Variants in BNC2 observed in about 807,000 individuals in gnomAD.
The protein encoded by BNC2 is zinc finger protein basonuclin-2.
In BNC2, 20 loss-of-function variants were observed where a neutral mutation model predicts 76.3. The ratio of observed to expected loss-of-function variants is 0.26; its 90% CI spans 0.18 to 0.38. The LOEUF is 0.38. Among genes scored for constraint, BNC2 ranks in the 10% least tolerant of loss-of-function variants. BNC2 has a pLI of 1.00. For missense variants in BNC2, 1,382 were observed against 1,399.8 expected (o/e 0.99, Z 0.20); for synonymous variants, 582 against 514.8 (o/e 1.13, Z -1.77).
At chr9:16,639,104 T>G (rs138605887) in intron 3 of BNC2, among the ~76,000 whole-genome samples, 1 of 152,194 alleles carries the variant, frequency 6.6e-6, no homozygotes, top group Non-Finnish European at 1.5e-5. Flanking sequence ...TTTTCCTTAA[T>G]GTGAACTTAA....
At chr9:16,809,364 GAAA>G (rs938575551) in intron 1 of BNC2, among the ~76,000 whole-genome samples, 1 of 149,542 alleles carries the variant, frequency 6.7e-6, no homozygotes, top group African/African-American at 2.5e-5. Flanking sequence ...TTTTTTTATG[GAAA>G]AAAAAATGCC....
intron 1 of BNC2, among the ~76,000 whole-genome samples, chr9:16,805,652 A>T (rs957280367): frequency 6.6e-6 from 1 of 152,088 alleles, no homozygotes; most frequent in Non-Finnish European, 1.5e-5. Context: ...AACTACATGG[A>T]AACTGCATGA....
chr9:16,430,818 C>A (rs1820894495), intron 6 of BNC2, among the ~76,000 whole-genome samples: 1 of 152,222 alleles, frequency 6.6e-6, no homozygotes, highest in Non-Finnish European at 1.5e-5. Flanking sequence ...CATAGGAATA[C>A]AGAACTTTCC....
intron 1 of BNC2, among the ~76,000 whole-genome samples, chr9:16,851,945 A>G (rs1280148883): frequency 6.6e-6 from 1 of 152,126 alleles, no homozygotes; most frequent in Admixed American, 6.5e-5. Flanking sequence ...TGAATATTAA[A>G]TAAAACATAT....
At chr9:16,468,215 T>A (rs1380656466) in intron 5 of BNC2, among the ~76,000 whole-genome samples, 1 of 151,538 alleles carries the variant, frequency 6.6e-6, no homozygotes, top group Non-Finnish European at 1.5e-5. Context: ...CCTACACTCA[T>A]TTCTTGAGCA....
rs535738822 is a variant in BNC2, at chr9:16,453,577, CACATTCTGACG to C, written c.670-16064_670-16054del. Among the ~76,000 whole-genome samples, 375 of 152,266 alleles carry C rather than the reference CACATTCTGACG, an allele frequency of 2.5e-3. 1 individual carries two copies. The highest frequency in any genetic ancestry group is 8.4e-3 in the African/African-American group (349 of 41,558). On this transcript the variant is annotated intron_variant, in intron 5 of 6. Coordinates refer to ENST00000380672, the MANE Select transcript of BNC2 (RefSeq NM_017637.6). ...TTCCATTCACTCCTTTCACCCCACT[CACATTCTGACG>C]ACATTCTGGTGTCAAGGTGCTTTTT...
intron 1 of BNC2, among the ~76,000 whole-genome samples, chr9:16,751,263 G>T (rs1357134405): frequency 9.1e-6 from 1 of 109,446 alleles, no homozygotes; most frequent in Non-Finnish European, 2.5e-5. Flanking sequence ...ATTGAAAATG[G>T]TTTAAAAAAA....
intron 3 of BNC2, among the ~76,000 whole-genome samples, chr9:16,666,076 T>C (rs533636665): frequency 1.0e-3 from 157 of 152,352 alleles, no homozygotes; most frequent in African/African-American, 3.5e-3. Flanking sequence ...AACTACTTCA[T>C]TGACAACTAC....
chr9:16,451,024 G>A (rs1178801906), intron 5 of BNC2, among the ~76,000 whole-genome samples: 2 of 151,522 alleles, frequency 1.3e-5, no homozygotes, highest in East Asian at 3.9e-4. Context: ...GGCTATCTAT[G>A]GATGTACAGC....
intron 5 of BNC2, among the ~76,000 whole-genome samples, chr9:16,479,766 T>C (rs956383517): frequency 1.7e-4 from 25 of 146,416 alleles, no homozygotes; most frequent in African/African-American, 5.9e-4. Flanking sequence ...GCATTTAAGA[T>C]CTGACTTCTT....
At chr9:16,601,340 C>CA (rs1278107405) in intron 3 of BNC2, among the ~76,000 whole-genome samples, 1 of 152,094 alleles carries the variant, frequency 6.6e-6, no homozygotes, top group Non-Finnish European at 1.5e-5. Flanking sequence ...CTACTCCTGG[C>CA]CCTATATTGT....
In BNC2 at chr9:16,632,881, GA is replaced by G. The variant is rs573573163; in HGVS notation, c.331-49797del. 1.6e-3 allele frequency among the ~76,000 whole-genome samples: 251 copies of G among 152,266 alleles called. 2 individuals are homozygous for G. Among genetic ancestry groups the G allele is most frequent in the African/African-American group, 5.9e-3 (247 of 41,558 alleles). On this transcript the variant is annotated intron_variant, in intron 3 of 6. Transcript: ENST00000380672. ...TAATTCCTAAAGCAATACTCTTAGG[GA>G]AAACAATATAATCGAGTTTTATAGG...
Position 16,615,195 on chromosome 9 carries a change from A to G in BNC2, c.331-32110T>C, listed in dbSNP as rs150626141. On this transcript the variant is annotated intron_variant, in intron 3 of 6. Transcript: ENST00000380672. ...CAGCTCATAGGTAATTTAGCAGGTA[A>G]GTTTACAATTCTGCCCCACATCTTC... Among the ~76,000 whole-genome samples, 4 of 152,234 alleles carry G rather than the reference A, an allele frequency of 2.6e-5. No homozygotes were observed. The East Asian group carries it at 7.7e-4, about 29-fold the overall frequency.
rs150800301 is a variant in BNC2 at position 16,659,575 on chromosome 9, T to C, written c.330+68222A>G. 8.2e-3 allele frequency among the ~76,000 whole-genome samples: 1,156 copies of C among 140,602 alleles called. 17 individuals carry two copies. Among genetic ancestry groups the C allele is most frequent in the African/African-American group, 0.03 (1,121 of 37,812 alleles). The allele number at this position is 140,602 out of a possible 152,430, so 92.2% of individuals were successfully genotyped here. A position where few individuals can be genotyped will look rare whatever the true frequency, so the allele number is the denominator to read the frequency against. On this transcript the variant is annotated intron_variant, in intron 3 of 6. Coordinates refer to ENST00000380672, the MANE Select transcript of BNC2 (RefSeq NM_017637.6). ...GTTAGCCGAGATTGCACCACTGCAC[T>C]CCAGCCCGGTGACAGAGCGAGACTC...
At chr9:16,772,306 G>C (rs1041734529) in intron 1 of BNC2, among the ~76,000 whole-genome samples, 1 of 152,070 alleles carries the variant, frequency 6.6e-6, no homozygotes, top group African/African-American at 2.4e-5. Flanking sequence ...TCCTACAGGG[G>C]CAAGTGAATT....
rs550325745 is a variant in BNC2, at chr9:16,777,577, T to C, written c.4-39092A>G. On this transcript the variant is annotated intron_variant, in intron 1 of 6. Transcript: ENST00000380672. ...TTAACCAGGCATGGTGGCGGGTGCC[T>C]GTAGTCCCAGCTACTCGGGAGGCTG... 2.6e-5 allele frequency among the ~76,000 whole-genome samples: 4 copies of C among 151,834 alleles called. No individual in the cohort carries two copies. The South Asian group carries it at 8.4e-4, about 32-fold the overall frequency.
At chr9:16,587,936 T>A (rs1349171469) in intron 3 of BNC2, among the ~76,000 whole-genome samples, 1 of 152,226 alleles carries the variant, frequency 6.6e-6, no homozygotes, top group Non-Finnish European at 1.5e-5. Flanking sequence ...GTACAGGTTG[T>A]GAATATTATA....
chr9:16,851,035 T>A (rs780537850), intron 1 of BNC2, among the ~76,000 whole-genome samples: 1 of 152,148 alleles, frequency 6.6e-6, no homozygotes, highest in Non-Finnish European at 1.5e-5. Flanking sequence ...TCTTCTAGGG[T>A]GACTATTTTA....
chr9:16,587,972 G>C (rs1436357709), intron 3 of BNC2, among the ~76,000 whole-genome samples: 1 of 152,132 alleles, frequency 6.6e-6, no homozygotes, highest in Admixed American at 6.5e-5. Flanking sequence ...ATCGATATGG[G>C]TTTGTTTTCC....
Sources: gnomAD v4.1 joint callset for allele counts (sites outside exome capture counted in the v4.1 genomes callset) on GRCh38, gnomAD v4.1.1 for gene constraint, MANE v1.5 for transcripts, NCBI Gene and HGNC (gene_info 2026-07-23, HGNC 2026-07-21) for gene names.